Variants in ARFGEF1 observed in about 807,000 individuals in gnomAD.
ARFGEF1 encodes the protein brefeldin A-inhibited guanine nucleotide-exchange protein 1.
In ARFGEF1, 42 loss-of-function variants were observed where a neutral mutation model predicts 231.0. That is an observed-to-expected ratio of 0.18 (90% CI 0.14 to 0.24). The LOEUF (loss-of-function observed/expected upper bound fraction) is 0.24, where lower values mean the gene tolerates loss of function less well. Among genes scored for constraint, ARFGEF1 ranks in the 10% least tolerant of loss-of-function variants. ARFGEF1 has a pLI of 1.00. For missense variants in ARFGEF1, 1,345 were observed against 2,192.0 expected (o/e 0.61, Z 7.72); for synonymous variants, 710 against 732.3 (o/e 0.97, Z 0.49).
At chr8:67,307,180 T>C (rs1806786855) in intron 1 of ARFGEF1, among the ~76,000 whole-genome samples, 1 of 152,274 alleles carries the variant, frequency 6.6e-6, no homozygotes, top group Admixed American at 6.5e-5. Context: ...ATTACCATAA[T>C]GCCGCTAGTA....
chr8:67,228,291 A>C, intron 23 of ARFGEF1, 27 bp from the exon 24 acceptor site: 1 of 1,588,218 alleles, frequency 6.3e-7, no homozygotes, highest in Non-Finnish European at 8.6e-7. Context: ...ACAATTTAAA[A>C]AATTTATAAG....
At chr8:67,239,735 T>C (rs1157849522) in intron 20 of ARFGEF1, among the ~76,000 whole-genome samples, 2 of 152,228 alleles carry the variant, frequency 1.3e-5, no homozygotes, top group Non-Finnish European at 2.9e-5. Flanking sequence ...ACTTCTTTCA[T>C]GAAAATTATG....
In ARFGEF1 at chr8:67,246,346, T is replaced by C. The variant is rs878997795; in HGVS notation, c.2850+4953A>G. ...TCAGCACATGGATCATTCTAGAGGA[T>C]AGACCATATGTTAGGACTCAAAACA... On this transcript the variant is annotated intron_variant, in intron 19 of 38. Coordinates refer to ENST00000262215, the MANE Select transcript of ARFGEF1 (RefSeq NM_006421.5). Among the ~76,000 whole-genome samples, 28 of 150,704 alleles carry C rather than the reference T, an allele frequency of 1.9e-4. 3 individuals carry two copies. The highest frequency in any genetic ancestry group is 4.2e-4 in the African/African-American group (17 of 40,554).
chr8:67,196,474 CAGATT>C (rs963936621), downstream of ARFGEF1, among the ~76,000 whole-genome samples: 1 of 152,208 alleles, frequency 6.6e-6, no homozygotes, highest in African/African-American at 2.4e-5. Flanking sequence ...CATTCTGACT[CAGATT>C]AGAATCTCAG....
intron 36 of ARFGEF1, among the ~76,000 whole-genome samples, chr8:67,202,154 T>C (rs1490232110): frequency 1.3e-5 from 2 of 152,252 alleles, no homozygotes; most frequent in Non-Finnish European, 2.9e-5. Flanking sequence ...CCAAACCCTT[T>C]TGATACAGTT....
At chr8:67,224,461 A>G (rs1438009241) in intron 29 of ARFGEF1, among the ~76,000 whole-genome samples, 2 of 152,212 alleles carry the variant, frequency 1.3e-5, no homozygotes, top group Non-Finnish European at 2.9e-5. Flanking sequence ...GAATAGCTCT[A>G]TATTATTCCA....
At chr8:67,305,096 G>A (rs529279359) in intron 1 of ARFGEF1, among the ~76,000 whole-genome samples, 7 of 152,178 alleles carry the variant, frequency 4.6e-5, no homozygotes, top group Admixed American at 1.3e-4. Context: ...AGGAATATCA[G>A]AGGAAATGAA....
intron 5 of ARFGEF1, among the ~76,000 whole-genome samples, chr8:67,294,836 C>A (rs377414056): frequency 2.6e-5 from 4 of 152,220 alleles, no homozygotes; most frequent in South Asian, 4.1e-4. Flanking sequence ...ACAATGAATA[C>A]AACTAGCACT....
intron 7 of ARFGEF1, among the ~76,000 whole-genome samples, chr8:67,282,746 G>C (rs1184142482): frequency 6.6e-6 from 1 of 151,614 alleles, no homozygotes; most frequent in Admixed American, 6.6e-5. Context: ...TCCTCAAGAG[G>C]CTGAAGAAGA....
chr8:67,277,547 G>C, intron 7 of ARFGEF1, 90 bp from the exon 8 acceptor site: 1 of 1,236,120 alleles, frequency 8.1e-7, no homozygotes, highest in South Asian at 1.5e-5. Context: ...TGAAACAGTG[G>C]CAGGAAAGCA....
chr8:67,267,584 AATCCTCAGG>A (rs1804899740), intron 10 of ARFGEF1, 142 bp from the exon 11 acceptor site: 1 of 583,244 alleles, frequency 1.7e-6, no homozygotes, highest in African/African-American at 1.9e-5. Flanking sequence ...TCCATCTCTG[AATCCTCAGG>A]ACTAAAATAT....
intron 5 of ARFGEF1, among the ~76,000 whole-genome samples, chr8:67,292,567 T>C (rs1004952678): frequency 1.3e-5 from 2 of 152,174 alleles, no homozygotes; most frequent in African/African-American, 2.4e-5. Context: ...TGTCACCTTG[T>C]CAAATATCTT....
downstream of ARFGEF1, chr8:67,175,252 A>T (rs770162804): frequency 6.8e-7 from 1 of 1,476,314 alleles, no homozygotes; most frequent in East Asian, 2.3e-5. Context: ...ATCCCATTTG[A>T]AAACAACATT....
chr8:67,343,671 G>T lies in ARFGEF1; in HGVS notation c.-384C>A. On this transcript the variant is annotated 5_prime_UTR_variant, in exon 1 of 39. An upstream open reading frame in the 5' UTR gains an earlier in-frame stop. Coordinates refer to ENST00000262215, the MANE Select transcript of ARFGEF1 (RefSeq NM_006421.5). The stretch of plus-strand genomic sequence containing the variant: ...GACGAGGTGGCGGCGGCTCTCAGAG[G>T]CACCGCGAGAGAAGGGCTACCCTGG... The T allele has an allele frequency of 1.1e-6, 1 of 950,324 alleles. No homozygotes were observed. The highest frequency in any genetic ancestry group is 1.3e-6 in the Non-Finnish European group (1 of 791,948). 58.9% of individuals were successfully genotyped at this position (950,324 alleles called of 1,614,324 possible).
intron 23 of ARFGEF1, among the ~76,000 whole-genome samples, chr8:67,232,260 GA>G (rs1839577373): frequency 1.3e-5 from 2 of 151,980 alleles, no homozygotes; most frequent in African/African-American, 4.8e-5. Context: ...CATTTATCTA[GA>G]AAAAGCTAAA....
intron 15 of ARFGEF1, among the ~76,000 whole-genome samples, chr8:67,258,854 C>CACACACACACACACACACACACACACACA (rs71249428): frequency 6.7e-6 from 1 of 149,798 alleles, no homozygotes; most frequent in African/African-American, 2.5e-5. Flanking sequence ...CACACACACA[C>CACACACACACACACACACACACACACACA]CAGTCATCAC....
chr8:67,199,335 C>A (rs1033614755), intron 38 of ARFGEF1: 1 of 397,182 alleles, frequency 2.5e-6, no homozygotes, highest in African/African-American at 2.1e-5. Flanking sequence ...ATATCTTTGA[C>A]AAACTTTTAG....
At position 67,211,469 on chromosome 8, in the gene ARFGEF1, G is replaced by A. The variant is rs369213448; in HGVS notation, c.4819+14C>T. 1.6e-5 allele frequency: 25 copies of A among 1,540,460 alleles called. No homozygotes were observed. The highest frequency in any genetic ancestry group is 2.0e-5 in the Non-Finnish European group (23 of 1,147,664). ...TAAAACACAAATTTATTTTTATTTA[G>A]AGAAATAACTCACTTGCTGTAGATT... On this transcript the variant is annotated intron_variant, in intron 34 of 38. Transcript: ENST00000262215.
At chr8:67,267,310 G>T in intron 11 of ARFGEF1, 33 bp downstream of exon 11, 3 of 1,586,424 alleles carry the variant, frequency 1.9e-6, no homozygotes, top group Non-Finnish European at 2.6e-6. Context: ...CTAATAATAA[G>T]AAAGAGATAA....
Sources: allele counts gnomAD v4.1 joint callset (sites outside exome capture counted in the v4.1 genomes callset), GRCh38; gene constraint gnomAD v4.1.1; transcripts MANE v1.5; gene names NCBI Gene and HGNC (gene_info 2026-07-23, HGNC 2026-07-21).